ZFAND3: variants seen among roughly 807,000 people sequenced by gnomAD.
ZFAND3 encodes the protein zinc finger AN1-type containing 3.
A neutral mutation model predicts 29.6 loss-of-function variants in ZFAND3; 10 were observed. That is an observed-to-expected ratio of 0.34 (90% CI 0.21 to 0.57). ZFAND3 has a LOEUF of 0.57. Among genes scored for constraint, ZFAND3 ranks in the 20% least tolerant of loss-of-function variants. The pLI is 0.86. For missense variants in ZFAND3, 230 were observed against 304.5 expected (o/e 0.76, Z 1.82); for synonymous variants, 128 against 112.6 (o/e 1.14, Z -0.87).
intron 2 of ZFAND3, among the ~76,000 whole-genome samples, chr6:38,010,026 G>A (rs907705668): frequency 2.0e-5 from 3 of 152,186 alleles, no homozygotes; most frequent in East Asian, 3.8e-4. Context: ...ATCACTAAAT[G>A]TCTAAATAAA....
intron 2 of ZFAND3, among the ~76,000 whole-genome samples, chr6:38,035,372 A>C (rs964438464): frequency 5.9e-5 from 9 of 152,160 alleles, no homozygotes; most frequent in African/African-American, 1.9e-4. Flanking sequence ...ATGCTGCTCT[A>C]ATTTTGCTTA....
At chr6:37,843,169 A>G (rs1041101278) in intron 1 of ZFAND3, among the ~76,000 whole-genome samples, 1 of 149,324 alleles carries the variant, frequency 6.7e-6, no homozygotes, top group East Asian at 2.0e-4. Context: ...CTGTGCCTTG[A>G]CTATTCAGGT....
intron 4 of ZFAND3, among the ~76,000 whole-genome samples, chr6:38,113,705 T>A (rs1485921098): frequency 2.6e-5 from 4 of 152,152 alleles, no homozygotes; most frequent in African/African-American, 2.4e-5. Flanking sequence ...ATTTAAAAAA[T>A]TTTTCTTCAC....
chr6:38,146,014 T>G (rs973546444), intron 5 of ZFAND3, among the ~76,000 whole-genome samples: 8 of 152,216 alleles, frequency 5.3e-5, no homozygotes, highest in African/African-American at 1.9e-4. Context: ...CTTGTGTCTT[T>G]GGTAGCAACA....
At chr6:37,977,770 G>GTTTTTTT (rs1213067308) in intron 2 of ZFAND3, among the ~76,000 whole-genome samples, 1 of 108,860 alleles carries the variant, frequency 9.2e-6, no homozygotes, top group Non-Finnish European at 2.0e-5. Flanking sequence ...GGTTTGCTGA[G>GTTTTTTT]TTTTTTGTTT....
chr6:38,043,356 T>C (rs1255247462), intron 2 of ZFAND3, among the ~76,000 whole-genome samples: 1 of 151,562 alleles, frequency 6.6e-6, no homozygotes, highest in Non-Finnish European at 1.5e-5. Flanking sequence ...GAACTCGTAG[T>C]AGATTTTTGC....
At chr6:37,928,509 G>A (rs936471636) in intron 1 of ZFAND3, among the ~76,000 whole-genome samples, 11 of 152,168 alleles carry the variant, frequency 7.2e-5, no homozygotes, top group Non-Finnish European at 1.6e-4. Context: ...TAACAGAAAA[G>A]TCATTATTAT....
chr6:37,869,535 G>C (rs1487100774), intron 1 of ZFAND3, among the ~76,000 whole-genome samples: 1 of 147,852 alleles, frequency 6.8e-6, no homozygotes, highest in Non-Finnish European at 1.5e-5. Flanking sequence ...TTTTGAGATA[G>C]GGTCTTGCTG....
chr6:37,961,221 C>CAGTGGA (rs1762189981), intron 2 of ZFAND3, among the ~76,000 whole-genome samples: 1 of 152,190 alleles, frequency 6.6e-6, no homozygotes, highest in Non-Finnish European at 1.5e-5. Context: ...GGGCAGTACT[C>CAGTGGA]CCTGTGGGCC....
intron 2 of ZFAND3, among the ~76,000 whole-genome samples, chr6:37,992,869 CA>C (rs1762784488): frequency 6.6e-6 from 1 of 151,934 alleles, no homozygotes; most frequent in South Asian, 2.1e-4. Flanking sequence ...AAGCCTTGAT[CA>C]AAGTCTGTTT....
chr6:38,081,166 T>A (rs1289037625), intron 3 of ZFAND3, among the ~76,000 whole-genome samples: 28 of 152,164 alleles, frequency 1.8e-4, no homozygotes, highest in Admixed American at 1.8e-3. Flanking sequence ...TTTCTTTTTT[T>A]TTTTTAAAGA....
At chr6:38,018,611 G>A (rs565569206) in intron 2 of ZFAND3, among the ~76,000 whole-genome samples, 34 of 152,008 alleles carry the variant, frequency 2.2e-4, no homozygotes, top group African/African-American at 8.2e-4. Flanking sequence ...AGGTCATTTC[G>A]TATCGGTACC....
At chr6:37,857,832 G>A (rs920877299) in intron 1 of ZFAND3, among the ~76,000 whole-genome samples, 1 of 152,168 alleles carries the variant, frequency 6.6e-6, no homozygotes, top group Non-Finnish European at 1.5e-5. Flanking sequence ...AGGGTGTGGT[G>A]AGTGAACTTG....
At chr6:38,118,150 G>A (rs769705729) in intron 5 of ZFAND3, among the ~76,000 whole-genome samples, 6 of 152,208 alleles carry the variant, frequency 3.9e-5, no homozygotes, top group African/African-American at 1.2e-4. Context: ...TCAGATGTCC[G>A]TGTGTTCATG....
chr6:37,902,361 G>C (rs964430453), intron 1 of ZFAND3, among the ~76,000 whole-genome samples: 2 of 152,038 alleles, frequency 1.3e-5, no homozygotes, highest in Non-Finnish European at 2.9e-5. Flanking sequence ...CAGGCACTCG[G>C]GGGGCTGAGG....
intron 2 of ZFAND3, among the ~76,000 whole-genome samples, chr6:38,047,699 G>A (rs974508181): frequency 6.6e-6 from 1 of 152,150 alleles, no homozygotes; most frequent in African/African-American, 2.4e-5. Context: ...GCTGTTAGGT[G>A]GTTCCATTTC....
chr6:37,932,176 G>T (rs911298910), intron 2 of ZFAND3, among the ~76,000 whole-genome samples: 1 of 152,060 alleles, frequency 6.6e-6, no homozygotes, highest in African/African-American at 2.4e-5. Context: ...GGCTGAGGCG[G>T]GAGAATCGCT....
chr6:37,915,776 A>G (rs866784788), intron 1 of ZFAND3: 1 of 152,152 alleles, frequency 6.6e-6, no homozygotes, highest in Middle Eastern at 3.4e-3. Context: ...TTTTTTGTTT[A>G]TTTATTTTTT....
At chr6:37,947,671 C>T (rs1761926480) in intron 2 of ZFAND3, among the ~76,000 whole-genome samples, 1 of 152,136 alleles carries the variant, frequency 6.6e-6, no homozygotes, top group Admixed American at 6.5e-5. Context: ...TAAATTTATA[C>T]TTCTCCATAT....
Sources: gnomAD v4.1 joint callset for allele counts (sites outside exome capture counted in the v4.1 genomes callset) on GRCh38, gnomAD v4.1.1 for gene constraint, MANE v1.5 for transcripts, NCBI Gene and HGNC (gene_info 2026-07-23, HGNC 2026-07-21) for gene names.